The following DOCK2 variants were observed in gnomAD, a reference collection of about 807,000 sequenced individuals.
DOCK2 encodes dedicator of cytokinesis protein 2.
Under a neutral mutation model 248.9 loss-of-function variants are expected in DOCK2, and 87 were observed. The ratio of observed to expected loss-of-function variants is 0.35; its 90% CI spans 0.29 to 0.42. The LOEUF (loss-of-function observed/expected upper bound fraction) is 0.42, where lower values mean the gene tolerates loss of function less well. DOCK2 is among the 10% of genes least tolerant of loss of function. DOCK2 has a pLI of 1.00. For missense variants in DOCK2, 1,747 were observed against 2,300.2 expected, an observed-to-expected ratio of 0.76 and a Z score of 4.92; for synonymous variants, 805 against 821.6, an observed-to-expected ratio of 0.98 and a Z score of 0.35.
intron 26 of DOCK2, among the ~76,000 whole-genome samples, chr5:169,812,990 C>T (rs1386617353): frequency 6.6e-6 from 1 of 152,250 alleles, no homozygotes; most frequent in East Asian, 1.9e-4. Context: ...GGAGGCAGGC[C>T]TTCCCTGCAG....
rs10636919 is a variant in DOCK2, at chr5:169,764,844, T to TTTG, written c.2554+3246_2554+3248dup. ...GCTCTCCATTCTGACTTTGAACGTG[T>TTTG]TTGTTGTTGTTGTTGTTGTTGTTGT... On this transcript the variant is annotated intron_variant, in intron 25 of 51. Coordinates refer to ENST00000520908, the MANE Select transcript of DOCK2 (RefSeq NM_004946.3). The surrounding 1 kb of genome is among the most constrained non-coding windows in gnomAD (Gnocchi z 4.3). Among the ~76,000 whole-genome samples, 18,402 of 151,006 alleles carry TTTG rather than the reference T, an allele frequency of 0.12. 1,534 individuals carry two copies. The highest frequency in any genetic ancestry group is 0.23 in the African/African-American group (9,316 of 40,926).
intron 27 of DOCK2, among the ~76,000 whole-genome samples, chr5:169,936,870 C>T (rs187324151): frequency 2.0e-4 from 30 of 152,246 alleles, no homozygotes; most frequent in Admixed American, 3.3e-4. Flanking sequence ...AGAATTATAA[C>T]GACACCCTTC....
At chr5:169,729,164 C>T (rs140176441) in intron 22 of DOCK2, among the ~76,000 whole-genome samples, 20 of 152,134 alleles carry the variant, frequency 1.3e-4, no homozygotes, top group South Asian at 6.2e-4. Flanking sequence ...TCCCCTGTAA[C>T]GAAATATGAA....
At chr5:170,045,734 C>A in intron 38 of DOCK2, 82 bp from the exon 39 acceptor site, 2 of 1,350,542 alleles carry the variant, frequency 1.5e-6, no homozygotes, top group Non-Finnish European at 2.1e-6. Context: ...GGAAGCACAG[C>A]TACGCCTGAG....
chr5:170,052,341 G>T (rs1463407934), intron 41 of DOCK2, among the ~76,000 whole-genome samples: 2 of 152,134 alleles, frequency 1.3e-5, no homozygotes, highest in African/African-American at 4.8e-5. Flanking sequence ...TAGTTCTAAG[G>T]CTTTTCTAAG....
In DOCK2 at chr5:169,818,416, A is replaced by T. The variant is rs112531697; in HGVS notation, c.2703+15210A>T. Among the ~76,000 whole-genome samples, 627 of 152,288 alleles carry T rather than the reference A, an allele frequency of 4.1e-3. 1 individual carries two copies. The highest frequency in any genetic ancestry group is 0.014 in the African/African-American group (589 of 41,566). The stretch of plus-strand genomic sequence containing the variant: ...TTAAATTCTAGTTGAAAGATGATGG[A>T]CTTTGGAGACACATAGGCATGGATT... On this transcript the variant is annotated intron_variant, in intron 26 of 51. Coordinates refer to ENST00000520908, the MANE Select transcript of DOCK2 (RefSeq NM_004946.3).
intron 40 of DOCK2, among the ~76,000 whole-genome samples, chr5:170,048,617 C>T (rs1756800821): frequency 6.6e-6 from 1 of 152,204 alleles, no homozygotes; most frequent in African/African-American, 2.4e-5. Flanking sequence ...ACACATCACG[C>T]AGCCTCAGAA....
At chr5:169,809,310 C>T (rs1203871557) in intron 26 of DOCK2, among the ~76,000 whole-genome samples, 1 of 152,160 alleles carries the variant, frequency 6.6e-6, no homozygotes, top group African/African-American at 2.4e-5. Flanking sequence ...TGTTTTTGTT[C>T]ACAACTTAGA....
intron 25 of DOCK2, among the ~76,000 whole-genome samples, chr5:169,781,825 CT>C (rs901863849): frequency 7.4e-4 from 113 of 152,272 alleles, no homozygotes; most frequent in African/African-American, 2.6e-3. Context: ...ACATTGCCCC[CT>C]TTTGCAGGTG....
intron 25 of DOCK2, among the ~76,000 whole-genome samples, chr5:169,765,471 A>C (rs1764727244): frequency 6.6e-6 from 1 of 152,252 alleles, no homozygotes; most frequent in Non-Finnish European, 1.5e-5. Flanking sequence ...GAAAGGACGC[A>C]CAGATATGCC....
At chr5:170,036,883 G>A (rs1020968348) in intron 36 of DOCK2, among the ~76,000 whole-genome samples, 11 of 152,190 alleles carry the variant, frequency 7.2e-5, no homozygotes, top group Non-Finnish European at 8.8e-5. Flanking sequence ...ATAAATTACT[G>A]TGAAGCCTGA....
intron 17 of DOCK2, among the ~76,000 whole-genome samples, chr5:169,712,838 C>T (rs1377883599): frequency 6.6e-6 from 1 of 152,196 alleles, no homozygotes; most frequent in African/African-American, 2.4e-5. Context: ...GTTTTTGAGA[C>T]ATGGAGGAGC....
At chr5:169,712,299 G>A in intron 17 of DOCK2, 76 bp downstream of exon 17, 2 of 1,324,274 alleles carry the variant, frequency 1.5e-6, no homozygotes, top group Admixed American at 1.8e-5. Context: ...TTGCTTAGTG[G>A]TCAACAGCAG....
At chr5:169,824,808 A>T (rs1295983037) in intron 26 of DOCK2, among the ~76,000 whole-genome samples, 2 of 152,252 alleles carry the variant, frequency 1.3e-5, no homozygotes, top group Non-Finnish European at 2.9e-5. Context: ...CTGCACAGCA[A>T]AAGAAACTAC....
rs1007103599 is a variant in DOCK2 at position 169,725,482 on chromosome 5, TTTTA to T, written c.2267+6710_2267+6713del. ...TGCATATGCATGAGCTGTTTTTTCTTTTTATTTATTTATTTATTTATTATTTTTC... is the reference window on the plus strand; with the variant it reads ...TGCATATGCATGAGCTGTTTTTTCTTTTTATTTATTTATTTATTATTTTTC... On this transcript the variant is annotated intron_variant, in intron 22 of 51. Transcript: ENST00000520908. Among the ~76,000 whole-genome samples, 33 of 144,204 alleles carry T rather than the reference TTTTA, an allele frequency of 2.3e-4. No homozygotes were observed. In the East Asian group the frequency reaches 2.8e-3, roughly 12 times the overall value. 94.6% of individuals were successfully genotyped at this position (144,204 alleles called of 152,430 possible). A position where few individuals can be genotyped will look rare whatever the true frequency, so the allele number is the denominator to read the frequency against.
intron 48 of DOCK2, among the ~76,000 whole-genome samples, chr5:170,078,508 A>G (rs1757918541): frequency 6.6e-6 from 1 of 152,176 alleles, no homozygotes; most frequent in African/African-American, 2.4e-5. Flanking sequence ...AGCACTTACC[A>G]TATGCCAAGA....
intron 25 of DOCK2, among the ~76,000 whole-genome samples, chr5:169,783,103 G>A (rs917808911): frequency 2.5e-4 from 38 of 152,134 alleles, no homozygotes; most frequent in Admixed American, 2.2e-3. Flanking sequence ...TAAGCAAAGC[G>A]CCATGAGACT....
intron 27 of DOCK2, among the ~76,000 whole-genome samples, chr5:169,898,922 GA>G (rs1432687001): frequency 2.0e-5 from 3 of 152,184 alleles, no homozygotes; most frequent in African/African-American, 7.2e-5. Context: ...CTAAAGTGAA[GA>G]AGCAAAAGGT....
At chr5:170,058,645 C>G (rs1757220213) in intron 44 of DOCK2, among the ~76,000 whole-genome samples, 1 of 152,108 alleles carries the variant, frequency 6.6e-6, no homozygotes, top group South Asian at 2.1e-4. Context: ...CAGATCAGAA[C>G]AAGTGAGGGT....
Sources: allele counts gnomAD v4.1 joint callset (sites outside exome capture counted in the v4.1 genomes callset), GRCh38; gene constraint gnomAD v4.1.1; non-coding constraint Gnocchi (gnomAD v3.1); transcripts MANE v1.5; gene names NCBI Gene and HGNC (gene_info 2026-07-23, HGNC 2026-07-21).